PRKD3: variants seen among roughly 807,000 people sequenced by gnomAD.
The protein encoded by PRKD3 is protein kinase D3.
A neutral mutation model predicts 99.2 loss-of-function variants in PRKD3; 47 were observed. The ratio of observed to expected loss-of-function variants is 0.47; its 90% CI spans 0.38 to 0.60. The LOEUF (loss-of-function observed/expected upper bound fraction) is 0.60, where lower values mean the gene tolerates loss of function less well. Ranked by LOEUF, PRKD3 falls within the 20% of genes least tolerant of loss-of-function variation. The pLI is 0.00. For synonymous variants in PRKD3, 392 were observed against 355.4 expected (o/e 1.10, Z -1.16); for missense variants, 1,019 against 1,088.4 (o/e 0.94, Z 0.90).
intron 13 of PRKD3, chr2:37,268,565 A>G (rs1669002282): frequency 3.8e-6 from 1 of 260,466 alleles, no homozygotes; most frequent in Non-Finnish European, 7.6e-6. Context: ...TGAGAGAAGT[A>G]TGTTGGGTAG....
At position 37,316,675 on chromosome 2, in the gene PRKD3, ACT is replaced by A; in HGVS notation, c.-153_-152del. On this transcript the variant is annotated 5_prime_UTR_variant, in exon 2 of 19. Coordinates refer to ENST00000234179, the MANE Select transcript of PRKD3 (RefSeq NM_005813.6). Reference sequence around the variant, plus strand: ...CCTCTGTTAAGCCACTCATGCCGATACTTTTAAGTTTTATCAAGGAGTTGAAT... The same window carrying A: ...CCTCTGTTAAGCCACTCATGCCGATATTTAAGTTTTATCAAGGAGTTGAAT... 1.4e-6 allele frequency: 2 copies of A among 1,437,992 alleles called. No individual in the cohort carries two copies. The highest frequency in any genetic ancestry group is 5.0e-5 in the East Asian group (2 of 40,056). 89.1% of individuals were successfully genotyped at this position (1,437,992 alleles called of 1,614,324 possible).
At chr2:37,303,148 CCTGA>C (rs1050511150) in intron 2 of PRKD3, among the ~76,000 whole-genome samples, 9 of 152,026 alleles carry the variant, frequency 5.9e-5, no homozygotes, top group South Asian at 4.1e-4. Flanking sequence ...CAGAGGATGG[CCTGA>C]CTATCGGGAA....
intron 2 of PRKD3, among the ~76,000 whole-genome samples, chr2:37,311,793 G>C (rs1671436913): frequency 6.6e-6 from 1 of 152,044 alleles, no homozygotes; most frequent in South Asian, 2.1e-4. Context: ...CATTAGACTA[G>C]AGGTTCTAGA....
At position 37,251,276 on chromosome 2, in the gene PRKD3, T is replaced by C. The variant is rs1374430847; in HGVS notation, c.*1901A>G. ...AGGACAAATTACCAAGAGGGGAATG[T>C]TTCCTGGAGGTATTTATGGGTAGAT... On this transcript the variant is annotated 3_prime_UTR_variant, in exon 19 of 19. Transcript: ENST00000234179. The C allele has an allele frequency of 1.3e-5, 2 of 152,628 alleles. No individual in the cohort carries two copies. Among genetic ancestry groups the C allele is most frequent in the Admixed American group, 6.5e-5 (1 of 15,286 alleles). 9.5% of individuals were successfully genotyped at this position (152,628 alleles called of 1,614,324 possible).
At chr2:37,256,301 T>G (rs1316721748) in intron 17 of PRKD3, among the ~76,000 whole-genome samples, 3 of 152,180 alleles carry the variant, frequency 2.0e-5, no homozygotes, top group Admixed American at 2.0e-4. Context: ...TAAAGAGAAG[T>G]GTTTGGGAGC....
chr2:37,286,367 T>G lies in PRKD3; in HGVS notation c.720A>C (p.Ser240=). ...TCTTACTTGGTTCCTGGTGGACATGTGACTATAACATAAGTAATTTTCATA... is the reference window on the plus strand; with the variant it reads ...TCTTACTTGGTTCCTGGTGGACATGGGACTATAACATAAGTAATTTTCATA... ...PEYVALPSEE[S]HVHQEPSKRI... The change falls in exon 6 of 19, where the codon TCA becomes TCC. Residue 240 remains serine (S), a splice_region_variant and synonymous_variant. Coordinates refer to ENST00000234179, the MANE Select transcript of PRKD3 (RefSeq NM_005813.6). 1 of 1,613,118 alleles carries G rather than the reference T, an allele frequency of 6.2e-7. No individual in the cohort carries two copies.
chr2:37,253,377 G>A (rs1667666746), intron 18 of PRKD3, 27 bp from the exon 19 acceptor site: 1 of 1,551,712 alleles, frequency 6.4e-7, no homozygotes, highest in Non-Finnish European at 8.8e-7. Flanking sequence ...TTGTAATGAT[G>A]AAACAAAAGA....
chr2:37,291,867 T>C (rs1670445176), intron 3 of PRKD3, among the ~76,000 whole-genome samples: 1 of 152,198 alleles, frequency 6.6e-6, no homozygotes. Flanking sequence ...TCAGTTCTCC[T>C]ACTTGCCAAA....
At position 37,316,510 on chromosome 2, in the gene PRKD3, A is replaced by G. The variant is rs1287653757; in HGVS notation, c.15T>C (p.Asn5=). MSAN[N]SPPSAQKSVL... ...CAGACTTCTGGGCTGATGGAGGGGA[A>G]TTATTTGCAGACATCTGCCTTTCTT... The change falls in exon 2 of 19, where the codon AAT becomes AAC. Residue 5 remains asparagine, a synonymous_variant. Transcript: ENST00000234179. The G allele has an allele frequency of 6.2e-7, 1 of 1,613,206 alleles. No homozygotes were observed. Among genetic ancestry groups the G allele is most frequent in the Admixed American group, 1.7e-5 (1 of 59,930 alleles).
Position 37,316,635 on chromosome 2 carries a change from A to C in PRKD3, c.-111T>G. 1.3e-6 allele frequency: 2 copies of C among 1,485,416 alleles called. No individual in the cohort carries two copies. The highest frequency in any genetic ancestry group is 2.8e-5 in the South Asian group (2 of 70,284). 92.0% of individuals were successfully genotyped at this position (1,485,416 alleles called of 1,614,324 possible). The stretch of plus-strand genomic sequence containing the variant: ...ATGACCGCACTTTTGGATTTAGTTG[A>C]AAACTTCTTTATTTCCTCTGTTAAG... On this transcript the variant is annotated 5_prime_UTR_variant, in exon 2 of 19. Transcript: ENST00000234179.
intron 1 of PRKD3, among the ~76,000 whole-genome samples, chr2:37,322,393 T>C (rs1478932615): frequency 1.3e-5 from 2 of 152,254 alleles, no homozygotes; most frequent in African/African-American, 4.8e-5. Flanking sequence ...ATTTGCTAAA[T>C]TGTTTCCTCT....
In PRKD3 at chr2:37,260,201, A is replaced by T. The variant is rs781378267; in HGVS notation, c.2046+22T>A. On this transcript the variant is annotated intron_variant, in intron 15 of 18. Coordinates refer to ENST00000234179, the MANE Select transcript of PRKD3 (RefSeq NM_005813.6). Reference sequence around the variant, plus strand: ...AATTAGTTTTTAATCGCTAGTTTAAAAAAAAAAAGGAGTTAAAATACCTGT... The same window carrying T: ...AATTAGTTTTTAATCGCTAGTTTAATAAAAAAAAGGAGTTAAAATACCTGT... The T allele has an allele frequency of 3.2e-6, 5 of 1,564,638 alleles. No individual in the cohort carries two copies. The Admixed American group carries it at 1.0e-4, about 32-fold the overall frequency.
chr2:37,309,796 C>T (rs1476649986), intron 2 of PRKD3, among the ~76,000 whole-genome samples: 3 of 146,602 alleles, frequency 2.0e-5, no homozygotes, highest in Admixed American at 7.0e-5. Context: ...TGCAGTGAGC[C>T]GAGATCGCGC....
At chr2:37,280,129 C>T (rs1415609218) in intron 7 of PRKD3, among the ~76,000 whole-genome samples, 200 bp from the exon 8 acceptor site, 1 of 151,052 alleles carries the variant, frequency 6.6e-6, no homozygotes, top group Non-Finnish European at 1.5e-5. Flanking sequence ...ACTGCAACCT[C>T]TACCTCCTGG....
chr2:37,289,538 TA>T, intron 4 of PRKD3, 25 bp from the exon 5 acceptor site: 1 of 1,556,446 alleles, frequency 6.4e-7, no homozygotes, highest in Non-Finnish European at 8.7e-7. Context: ...CAAGGTAAAA[TA>T]TAAGATTTAA....
At chr2:37,307,389 C>T (rs758941818) in intron 2 of PRKD3, among the ~76,000 whole-genome samples, 6 of 152,186 alleles carry the variant, frequency 3.9e-5, no homozygotes, top group Non-Finnish European at 7.3e-5. Flanking sequence ...ACAAGCTCTA[C>T]AAACTAATTA....
At chr2:37,303,889 A>G (rs973166555) in intron 2 of PRKD3, among the ~76,000 whole-genome samples, 1 of 152,214 alleles carries the variant, frequency 6.6e-6, no homozygotes, top group Non-Finnish European at 1.5e-5. Flanking sequence ...CTTCATAAAC[A>G]TACACACAAC....
chr2:37,283,108 T>C (rs940781457), intron 6 of PRKD3, among the ~76,000 whole-genome samples: 1 of 152,256 alleles, frequency 6.6e-6, no homozygotes, highest in African/African-American at 2.4e-5. Flanking sequence ...ATAATGGTTC[T>C]CTTCAGCCTA....
chr2:37,269,384 T>G (rs1669067069), intron 13 of PRKD3: 3 of 525,200 alleles, frequency 5.7e-6, no homozygotes, highest in Middle Eastern at 5.1e-4. Context: ...CAAGAAGAGA[T>G]AAAACACACT....
Sources: gnomAD v4.1 joint callset for allele counts (sites outside exome capture counted in the v4.1 genomes callset) on GRCh38, gnomAD v4.1.1 for gene constraint, MANE v1.5 for transcripts, NCBI Gene and HGNC (gene_info 2026-07-23, HGNC 2026-07-21) for gene names.